NCALD: variants seen among roughly 807,000 people sequenced by gnomAD.
NCALD encodes the protein neurocalcin delta.
NCALD carries 10 observed loss-of-function variants against 18.6 expected under a neutral mutation model. The observed-to-expected ratio is 0.54, with a 90% CI of 0.33 to 0.91. NCALD has a LOEUF of 0.91. Ranked by LOEUF, NCALD falls within the 40% of genes least tolerant of loss-of-function variation. The pLI is 0.03. For missense variants in NCALD, 184 were observed against 247.6 expected (o/e 0.74, Z 1.72); for synonymous variants, 88 against 87.4 (o/e 1.01, Z -0.04).
intron 4 of NCALD, among the ~76,000 whole-genome samples, chr8:101,810,000 AT>A (rs1421961605): frequency 6.6e-6 from 1 of 152,232 alleles, no homozygotes; most frequent in African/African-American, 2.4e-5. Context: ...GAGCAGAGTG[AT>A]AAATGTAGAT....
At chr8:101,736,113 C>G (rs1474858988) in intron 1 of NCALD, among the ~76,000 whole-genome samples, 1 of 152,142 alleles carries the variant, frequency 6.6e-6, no homozygotes, top group Admixed American at 6.5e-5. Context: ...AGCCCTCATT[C>G]TGTATGTACC....
chr8:101,816,971 TA>T (rs199827884), intron 4 of NCALD, among the ~76,000 whole-genome samples: 23 of 150,398 alleles, frequency 1.5e-4, no homozygotes, highest in East Asian at 5.8e-4. Context: ...AAAGTGTCTT[TA>T]AAAAAAAAAC....
At chr8:101,982,000 C>T (rs904914765) in intron 2 of NCALD, among the ~76,000 whole-genome samples, 6 of 152,094 alleles carry the variant, frequency 3.9e-5, no homozygotes, top group East Asian at 1.9e-4. Context: ...GCTGAGTTCA[C>T]GTGAGATCTG....
chr8:101,923,981 T>C (rs941409844), intron 2 of NCALD, among the ~76,000 whole-genome samples: 19 of 152,158 alleles, frequency 1.2e-4, no homozygotes, highest in African/African-American at 4.6e-4. Flanking sequence ...ATGGGTAAAT[T>C]GTGTGATGCT....
rs567159152 is a variant in NCALD at position 102,043,924 on chromosome 8, C to T, written c.-209-23635G>A. On this transcript the variant is annotated intron_variant, in intron 1 of 6. Transcript: ENST00000311028. ...CAAGCCAGAAAGAAGATATCTTAAG[C>T]CCTGAGACAAGGACTCTGGTTACAT... Among the ~76,000 whole-genome samples the T allele has an allele frequency of 2.0e-3, 309 of 151,904 alleles. 2 individuals carry two copies. In the Middle Eastern group the frequency reaches 0.024, roughly 12 times the overall value.
intron 1 of NCALD, among the ~76,000 whole-genome samples, chr8:102,022,156 C>T (rs567678676): frequency 1.1e-4 from 16 of 152,102 alleles, no homozygotes; most frequent in African/African-American, 2.4e-4. Context: ...AACCAGAGGT[C>T]GGGGAGCCCA....
At chr8:101,952,921 CT>C (rs1003853178) in intron 2 of NCALD, among the ~76,000 whole-genome samples, 89 of 145,760 alleles carry the variant, frequency 6.1e-4, no homozygotes, top group African/African-American at 9.3e-4. Context: ...AGCAAGACTT[CT>C]TTTTTTTTTT....
intron 1 of NCALD, among the ~76,000 whole-genome samples, chr8:101,744,867 A>C (rs1293122683): frequency 6.6e-6 from 1 of 152,208 alleles, no homozygotes. Context: ...CAAGGGATCA[A>C]TAACACCTCA....
intron 2 of NCALD, among the ~76,000 whole-genome samples, chr8:101,998,737 G>T (rs974334230): frequency 1.3e-5 from 2 of 152,126 alleles, no homozygotes; most frequent in African/African-American, 4.8e-5. Flanking sequence ...CTCCCCAGGG[G>T]TCTGCAGTAG....
intron 2 of NCALD, among the ~76,000 whole-genome samples, chr8:101,708,120 C>T (rs1035242579): frequency 2.6e-5 from 4 of 152,176 alleles, no homozygotes; most frequent in Non-Finnish European, 5.9e-5. Flanking sequence ...GTCCCCCAAA[C>T]AGTCTCAATG....
At chr8:101,891,615 C>T (rs913297466) in intron 3 of NCALD, among the ~76,000 whole-genome samples, 12 of 152,226 alleles carry the variant, frequency 7.9e-5, no homozygotes, top group Admixed American at 6.5e-5. Context: ...GTTCATCTCA[C>T]TAGGGAGTGC....
intron 1 of NCALD, among the ~76,000 whole-genome samples, chr8:102,051,225 C>T (rs1381680748): frequency 1.3e-5 from 2 of 152,094 alleles, no homozygotes; most frequent in Non-Finnish European, 2.9e-5. Context: ...TGGATCCTGG[C>T]TCCACCCCTA....
chr8:101,796,551 T>C lies in NCALD; in HGVS notation c.-19-76903A>G, dbSNP rs1017380176. On this transcript the variant is annotated intron_variant, in intron 4 of 6. Coordinates refer to the NCALD transcript ENST00000311028. Reference sequence around the variant, plus strand: ...AATACAATGGAAGGTAAAAGTACAATAGATGGGTTTAAGAGCAGAGAACAT... The same window carrying C: ...AATACAATGGAAGGTAAAAGTACAACAGATGGGTTTAAGAGCAGAGAACAT... Among the ~76,000 whole-genome samples, 4 of 151,940 alleles carry C rather than the reference T, an allele frequency of 2.6e-5. 1 individual carries two copies. In the Middle Eastern group the frequency reaches 0.01, roughly 388 times the overall value.
At chr8:101,731,050 T>C (rs974824682) in intron 1 of NCALD, among the ~76,000 whole-genome samples, 5 of 152,036 alleles carry the variant, frequency 3.3e-5, no homozygotes, top group African/African-American at 1.2e-4. Context: ...AAGACCCCAC[T>C]GAGAAAGCAA....
chr8:101,873,352 T>C (rs963831247), intron 4 of NCALD, among the ~76,000 whole-genome samples: 4 of 152,238 alleles, frequency 2.6e-5, no homozygotes, highest in Non-Finnish European at 5.9e-5. Context: ...CAGAGCTCTG[T>C]CCCTCACCTT....
chr8:101,866,938 A>G (rs148902408), intron 4 of NCALD, among the ~76,000 whole-genome samples: 1 of 152,234 alleles, frequency 6.6e-6, no homozygotes, highest in Non-Finnish European at 1.5e-5. Flanking sequence ...CTCAGAGTAC[A>G]TGCCAGAGTT....
intron 2 of NCALD, among the ~76,000 whole-genome samples, chr8:101,716,902 A>G (rs1158010243): frequency 6.6e-6 from 1 of 152,224 alleles, no homozygotes; most frequent in African/African-American, 2.4e-5. Context: ...AGATGGATGA[A>G]GAGGGCCATC....
chr8:101,772,320 C>G (rs1184416412), intron 1 of NCALD, among the ~76,000 whole-genome samples: 2 of 152,168 alleles, frequency 1.3e-5, no homozygotes, highest in Non-Finnish European at 2.9e-5. Context: ...TAGAACCAGC[C>G]TTCTGTAGGA....
chr8:101,935,441 T>C (rs1479169134), intron 2 of NCALD, among the ~76,000 whole-genome samples: 1 of 152,234 alleles, frequency 6.6e-6, no homozygotes. Context: ...AAGATTTTGA[T>C]GGCTCTATCC....
Sources: gnomAD v4.1 joint callset for allele counts (sites outside exome capture counted in the v4.1 genomes callset) on GRCh38, gnomAD v4.1.1 for gene constraint, MANE v1.5 for transcripts, NCBI Gene and HGNC (gene_info 2026-07-23, HGNC 2026-07-21) for gene names.